Variants in FARP2 observed in about 807,000 individuals in gnomAD.
FARP2 encodes FERM, ARHGEF and pleckstrin domain-containing protein 2.
In FARP2, 111 loss-of-function variants were observed where a neutral mutation model predicts 130.5. That is an observed-to-expected ratio of 0.85 (90% CI 0.73 to 1.00). The LOEUF (loss-of-function observed/expected upper bound fraction) is 1.00. Ranked by LOEUF, FARP2 falls within the 50% of genes least tolerant of loss-of-function variation. The probability of loss-of-function intolerance (pLI) is 0.00; values close to 1 mark genes in which losing one functional copy is unlikely to be tolerated. For missense variants in FARP2, 1,385 were observed against 1,346.3 expected, an observed-to-expected ratio of 1.03 and a Z score of -0.45; for synonymous variants, 504 against 516.9, an observed-to-expected ratio of 0.98 and a Z score of 0.34.
chr2:241,413,870 A>T (rs561963996), intron 7 of FARP2, among the ~76,000 whole-genome samples: 13 of 151,170 alleles, frequency 8.6e-5, no homozygotes, highest in Non-Finnish European at 1.5e-4. Context: ...TGAACCCAGG[A>T]GGTGGAGGTT....
intron 11 of FARP2, among the ~76,000 whole-genome samples, chr2:241,435,274 T>G (rs1046960292): frequency 6.6e-5 from 10 of 150,960 alleles, no homozygotes; most frequent in Admixed American, 2.6e-4. Flanking sequence ...TTTTTTGTTT[T>G]TTTTTTTTTT....
rs375716573 is a variant in FARP2 at position 241,493,298 on chromosome 2, C to T, written c.2901C>T (p.Asp967=). ...CLFFYKTHQD[D]YPLASLPLLG... ...GTCCCTATGCTGTCTTGCAGGATGA[C>T]TACCCACTGGCCAGCCTCCCGCTGC... Residue 967 remains aspartate, a synonymous_variant, in exon 26 of 27, where the codon GAC becomes GAT. Coordinates refer to ENST00000264042, the MANE Select transcript of FARP2 (RefSeq NM_014808.4). The T allele has an allele frequency of 1.2e-6, 2 of 1,613,680 alleles. No homozygotes were observed. Among genetic ancestry groups the T allele is most frequent in the African/African-American group, 2.7e-5 (2 of 74,952 alleles).
intron 1 of FARP2, among the ~76,000 whole-genome samples, chr2:241,365,188 A>G (rs2061276811): frequency 6.6e-6 from 1 of 152,232 alleles, no homozygotes; most frequent in Non-Finnish European, 1.5e-5. Context: ...AAAATTCCAA[A>G]CATTCACAAA....
At chr2:241,434,842 TA>T (rs2063182084) in intron 10 of FARP2, 119 bp from the exon 11 acceptor site, 1 of 692,326 alleles carries the variant, frequency 1.4e-6, no homozygotes, top group Non-Finnish European at 2.6e-6. Flanking sequence ...TCTCAAAAAA[TA>T]AAATATATGT....
chr2:241,407,625 T>C lies in FARP2; in HGVS notation c.410+10T>C, dbSNP rs753560799. 4 of 1,605,448 alleles carry C rather than the reference T, an allele frequency of 2.5e-6. No homozygotes were observed. In the South Asian group the frequency reaches 4.4e-5, roughly 18 times the overall value. On this transcript the variant is annotated intron_variant, in intron 5 of 26. Coordinates refer to ENST00000264042, the MANE Select transcript of FARP2 (RefSeq NM_014808.4). ...AAGAAGAATATACAAGGTAAAGAGC[T>C]CACAGAGCTGAAGCTGTTGTCAGCA...
At chr2:241,437,606 C>T (rs990741582) in intron 12 of FARP2, among the ~76,000 whole-genome samples, 1 of 151,766 alleles carries the variant, frequency 6.6e-6, no homozygotes, top group Non-Finnish European at 1.5e-5. Context: ...GCTGTGATTA[C>T]AGGCACATAC....
At position 241,394,460 on chromosome 2, in the gene FARP2, G is replaced by A. The variant is rs1030550601; in HGVS notation, c.184-9368G>A. ...ATGAATCCAGGAGGCGGAGCTTGTA[G>A]TGAGCCGAGATCGCGCCACTGCACT... On this transcript the variant is annotated intron_variant, in intron 2 of 26. Coordinates refer to ENST00000264042, the MANE Select transcript of FARP2 (RefSeq NM_014808.4). 4.0e-4 allele frequency among the ~76,000 whole-genome samples: 61 copies of A among 151,114 alleles called. 3 individuals are homozygous for A. The highest frequency in any genetic ancestry group is 1.5e-5 in the Non-Finnish European group (1 of 67,872).
intron 2 of FARP2, among the ~76,000 whole-genome samples, chr2:241,383,252 A>G (rs6723363): frequency 0.89 from 135,621 of 152,304 alleles, 60,747 homozygotes; most frequent in East Asian, 1. Context: ...GGAGCTCAAC[A>G]GTGGACAAGG....
intron 4 of FARP2, among the ~76,000 whole-genome samples, chr2:241,406,652 T>C (rs1053928292): frequency 6.6e-6 from 1 of 151,762 alleles, no homozygotes; most frequent in African/African-American, 2.4e-5. Context: ...CGGGTAGAGA[T>C]GGGATTTCAC....
intron 2 of FARP2, among the ~76,000 whole-genome samples, chr2:241,402,836 TTATATATATATATATATATA>T (rs1215612816): frequency 1.1e-3 from 18 of 16,836 alleles, no homozygotes; most frequent in South Asian, 4.9e-3. Context: ...CCCAGCTAAT[TTATATATATATATATATATA>T]TATATATATA....
intron 17 of FARP2, 113 bp downstream of exon 17, chr2:241,464,093 A>G: frequency 1.2e-6 from 1 of 812,458 alleles, no homozygotes; most frequent in South Asian, 1.5e-5. Context: ...GTCCCCTCAG[A>G]ACAGGATCCC....
At chr2:241,408,922 AAG>A (rs145571651) in intron 5 of FARP2, among the ~76,000 whole-genome samples, 1 of 152,328 alleles carries the variant, frequency 6.6e-6, no homozygotes, top group African/African-American at 2.4e-5. Flanking sequence ...AGATGGCAAA[AAG>A]TATTTTTATG....
intron 8 of FARP2, among the ~76,000 whole-genome samples, chr2:241,421,610 A>T (rs954137271): frequency 7.9e-5 from 12 of 152,220 alleles, no homozygotes; most frequent in African/African-American, 2.9e-4. Flanking sequence ...CTCTGCAAAA[A>T]GCAGCCAGGC....
chr2:241,437,556 C>T (rs1188582135), intron 12 of FARP2, among the ~76,000 whole-genome samples: 1 of 151,346 alleles, frequency 6.6e-6, no homozygotes, highest in Non-Finnish European at 1.5e-5. Context: ...ACCTCTGCTT[C>T]CTGGGTTCAA....
At chr2:241,381,181 C>G (rs1323847789) in intron 2 of FARP2, among the ~76,000 whole-genome samples, 1 of 152,168 alleles carries the variant, frequency 6.6e-6, no homozygotes, top group African/African-American at 2.4e-5. Flanking sequence ...GGCCCTGTAC[C>G]TGGCCTGTTG....
intron 12 of FARP2, among the ~76,000 whole-genome samples, chr2:241,436,913 G>GT (rs2063244476): frequency 6.6e-6 from 1 of 152,210 alleles, no homozygotes; most frequent in African/African-American, 2.4e-5. Context: ...TTGAGCCCAG[G>GT]AAGTTGGGGC....
chr2:241,493,160 T>C, intron 25 of FARP2, 124 bp downstream of exon 25: 2 of 1,180,672 alleles, frequency 1.7e-6, no homozygotes, highest in South Asian at 1.3e-5. Flanking sequence ...CACCCTGTGC[T>C]GTGTGAACAG....
At position 241,493,009 on chromosome 2, in the gene FARP2, CTGTT is replaced by C. The variant is rs745948966; in HGVS notation, c.2873_2876del (p.Leu958SerfsTer22). ...AGCTCTGGGTCGTCTTTACCAACTT[CTGTT>C]TGTTCTTCTACAAAACTCATCAGGT... On this transcript the variant is annotated frameshift_variant, in exon 25 of 27. Transcript: ENST00000264042. LOFTEE classifies it high-confidence loss of function. The C allele has an allele frequency of 4.4e-6, 7 of 1,607,146 alleles. No homozygotes were observed. The highest frequency in any genetic ancestry group is 2.7e-5 in the African/African-American group (2 of 74,820).
At chr2:241,412,128 C>A (rs1026809103) in intron 6 of FARP2, among the ~76,000 whole-genome samples, 12 of 152,074 alleles carry the variant, frequency 7.9e-5, no homozygotes, top group Non-Finnish European at 1.6e-4. Flanking sequence ...TACAAGGCTG[C>A]GGGTAAGAAT....
Sources: gnomAD v4.1 joint callset for allele counts (sites outside exome capture counted in the v4.1 genomes callset) on GRCh38, gnomAD v4.1.1 for gene constraint, MANE v1.5 for transcripts, NCBI Gene and HGNC (gene_info 2026-07-23, HGNC 2026-07-21) for gene names.